The following ADA2 variants were observed in gnomAD, a reference collection of about 807,000 sequenced individuals.
ADA2 encodes adenosine deaminase 2, also known as adenosine deaminase CECR1.
In ADA2, 29 loss-of-function variants were observed where a neutral mutation model predicts 44.2. That is an observed-to-expected ratio of 0.66 (90% CI 0.49 to 0.89). The LOEUF is 0.89. ADA2 is among the 40% of genes least tolerant of loss of function. The pLI, the probability that ADA2 is intolerant of heterozygous loss-of-function variation, is 0.00. For missense variants in ADA2, 637 were observed against 644.8 expected, an observed-to-expected ratio of 0.99 and a Z score of 0.13; for synonymous variants, 215 against 234.9, an observed-to-expected ratio of 0.92 and a Z score of 0.77.
At chr22:17,194,086 A>C (rs537851283) in intron 4 of ADA2, among the ~76,000 whole-genome samples, 32 of 152,056 alleles carry the variant, frequency 2.1e-4, no homozygotes, top group African/African-American at 7.5e-4. Context: ...TCAAAAGAAG[A>C]AGCAGTTTGT....
chr22:17,219,680 T>TG (rs2062508500), upstream of ADA2: 5 of 141,012 alleles, frequency 3.5e-5, no homozygotes, highest in South Asian at 7.0e-4. Flanking sequence ...TTTTTTTTTT[T>TG]TTTTTTTTTT....
At chr22:17,205,767 C>T (rs763667204) in intron 3 of ADA2, among the ~76,000 whole-genome samples, 1 of 152,004 alleles carries the variant, frequency 6.6e-6, no homozygotes, top group African/African-American at 2.4e-5. Context: ...CGGCTTGAGC[C>T]GCAGAGTTCA....
intron 7 of ADA2, among the ~76,000 whole-genome samples, chr22:17,187,326 CTT>C (rs112568426): frequency 6.7e-6 from 1 of 149,158 alleles, no homozygotes; most frequent in Non-Finnish European, 1.5e-5. Flanking sequence ...GGCTAAAACA[CTT>C]TTTTTTTTGA....
At position 17,181,511 on chromosome 22, in the gene ADA2, T is replaced by G; in HGVS notation, c.1508A>C (p.Lys503Thr). The change falls in exon 10 of 10, where the codon AAG (lysine) becomes ACG (threonine). Residue 503 changes from lysine (K) to threonine (T), a missense_variant. Physicochemically the swap from Lys to Thr is moderately conservative, Grantham distance 78. Transcript: ENST00000399837. Reference sequence around the variant, plus strand: ...CTTTGTAGCCACATCTGCTATGAACTTATCCCATCTCTTCTTCCAGATTTC... The same window carrying G: ...CTTTGTAGCCACATCTGCTATGAACGTATCCCATCTCTTCTTCCAGATTTC... ...FMEIWKKRWD[K>T]FIADVATK The G allele has an allele frequency of 6.2e-7, 1 of 1,613,284 alleles. No homozygotes were observed.
chr22:17,220,551 C>A (rs1469499487), upstream of ADA2, among the ~76,000 whole-genome samples: 1 of 152,114 alleles, frequency 6.6e-6, no homozygotes, highest in East Asian at 1.9e-4. Flanking sequence ...TTAGCCATGA[C>A]TATTCTTAGA....
At chr22:17,198,332 CGATATACA>C (rs888646630) in intron 4 of ADA2, among the ~76,000 whole-genome samples, 32 of 152,086 alleles carry the variant, frequency 2.1e-4, no homozygotes, top group Non-Finnish European at 3.5e-4. Flanking sequence ...TGCTAGGGTG[CGATATACA>C]GCTGGGCTGA....
chr22:17,214,444 G>A (rs1348655550), intron 1 of ADA2, among the ~76,000 whole-genome samples: 2 of 152,200 alleles, frequency 1.3e-5, no homozygotes, highest in Non-Finnish European at 2.9e-5. Flanking sequence ...TTCTGTGTCC[G>A]TACCATGTAA....
At chr22:17,191,611 C>T in intron 5 of ADA2, 72 bp downstream of exon 5, 1 of 1,541,940 alleles carries the variant, frequency 6.5e-7, no homozygotes, top group Non-Finnish European at 8.9e-7. Context: ...CTCACCCCTC[C>T]CCTCCCAGCC....
chr22:17,221,507 A>G (rs1340730122), upstream of ADA2, among the ~76,000 whole-genome samples: 1 of 152,120 alleles, frequency 6.6e-6, no homozygotes, highest in East Asian at 1.9e-4. Context: ...GACCAGGTCA[A>G]AGCTAAAGAT....
At chr22:17,201,521 C>G (rs1368332742) in intron 4 of ADA2, among the ~76,000 whole-genome samples, 1 of 152,146 alleles carries the variant, frequency 6.6e-6, no homozygotes, top group Non-Finnish European at 1.5e-5. Context: ...AACGAGCAGA[C>G]TCTCTTGGAT....
intron 3 of ADA2, among the ~76,000 whole-genome samples, chr22:17,205,929 G>A (rs1216864762): frequency 1.3e-5 from 2 of 152,192 alleles, no homozygotes; most frequent in South Asian, 4.1e-4. Context: ...CAGCCTGGGA[G>A]GTTGAGTCTG....
At chr22:17,182,220 T>C (rs550954511) in intron 8 of ADA2, among the ~76,000 whole-genome samples, 198 bp from the exon 9 acceptor site, 2 of 152,284 alleles carry the variant, frequency 1.3e-5, no homozygotes, top group Non-Finnish European at 2.9e-5. Flanking sequence ...TCATGTTTCA[T>C]CAGCACTGCA....
At chr22:17,215,424 G>T (rs1254952655) in intron 1 of ADA2, among the ~76,000 whole-genome samples, 1 of 152,030 alleles carries the variant, frequency 6.6e-6, no homozygotes, top group East Asian at 1.9e-4. Context: ...TGACCAACAT[G>T]GTGAAACCCC....
At chr22:17,182,501 CAA>C in intron 8 of ADA2, 101 bp downstream of exon 8, 1 of 1,177,176 alleles carries the variant, frequency 8.5e-7, no homozygotes, top group East Asian at 2.4e-5. Flanking sequence ...ATGTAGGTAA[CAA>C]GAGAGTTAAG....
intron 7 of ADA2, among the ~76,000 whole-genome samples, chr22:17,185,054 G>A (rs2062020654): frequency 7.1e-6 from 1 of 141,604 alleles, no homozygotes; most frequent in African/African-American, 2.7e-5. Flanking sequence ...AATTTCCATT[G>A]CTATGTAGCA....
Position 17,181,520 on chromosome 22 carries a change from CT to C in ADA2, c.1498del (p.Arg500AspfsTer6). 2 of 1,613,794 alleles carry C rather than the reference CT, an allele frequency of 1.2e-6. No homozygotes were observed. Among genetic ancestry groups the C allele is most frequent in the Non-Finnish European group, 1.7e-6 (2 of 1,179,678 alleles). Reference sequence around the variant, plus strand: ...CACATCTGCTATGAACTTATCCCATCTCTTCTTCCAGATTTCCATGAAAGTA... The same window carrying C: ...CACATCTGCTATGAACTTATCCCATCCTTCTTCCAGATTTCCATGAAAGTA... ...KNTFMEIWKKRWDKFIADVAT... is the reference protein window; with the variant it reads ...KNTFMEIWKKXWDKFIADVAT... On this transcript the variant is annotated frameshift_variant, in exon 10 of 10. Transcript: ENST00000399837. LOFTEE classifies it high-confidence loss of function.
At chr22:17,202,015 A>C (rs1433787904) in intron 4 of ADA2, among the ~76,000 whole-genome samples, 1 of 125,944 alleles carries the variant, frequency 7.9e-6, no homozygotes, top group East Asian at 2.3e-4. Context: ...TCTGTCATCC[A>C]GGCTGAAGAG....
intron 4 of ADA2, among the ~76,000 whole-genome samples, chr22:17,197,695 C>G (rs530826476): frequency 6.6e-6 from 1 of 152,338 alleles, no homozygotes; most frequent in South Asian, 2.1e-4. Flanking sequence ...ACCCTCAAAA[C>G]TACACTATGA....
At chr22:17,186,247 G>A (rs1381008474) in intron 7 of ADA2, among the ~76,000 whole-genome samples, 4 of 152,180 alleles carry the variant, frequency 2.6e-5, no homozygotes, top group African/African-American at 9.7e-5. Context: ...CAATTCACTC[G>A]GAGGATGGAG....
Sources: gnomAD v4.1 joint callset for allele counts (sites outside exome capture counted in the v4.1 genomes callset) on GRCh38, gnomAD v4.1.1 for gene constraint, MANE v1.5 for transcripts, NCBI Gene and HGNC (gene_info 2026-07-23, HGNC 2026-07-21) for gene names.